Variants in DLG2 observed in about 807,000 individuals in gnomAD.
The protein encoded by DLG2 is discs large MAGUK scaffold protein 2, also known as disks large homolog 2.
A neutral mutation model predicts 132.5 loss-of-function variants in DLG2; 45 were observed. That is an observed-to-expected ratio of 0.34 (90% confidence interval 0.27 to 0.44). The LOEUF (loss-of-function observed/expected upper bound fraction) is 0.44. DLG2 is among the 20% of genes least tolerant of loss of function. The pLI is 1.00. For missense variants in DLG2, 1,045 were observed against 1,196.9 expected, an observed-to-expected ratio of 0.87 and a Z score of 1.87; for synonymous variants, 424 against 419.6, an observed-to-expected ratio of 1.01 and a Z score of -0.13.
intron 6 of DLG2, among the ~76,000 whole-genome samples, chr11:84,648,366 A>T (rs1182961248): frequency 6.6e-6 from 1 of 152,240 alleles, no homozygotes; most frequent in Non-Finnish European, 1.5e-5. Context: ...AAATGGATTC[A>T]GAATGAATGC....
At chr11:84,923,038 A>G in intron 6 of DLG2, 3 of 1,613,024 alleles carry the variant, frequency 1.9e-6, no homozygotes, top group Non-Finnish European at 2.5e-6. Flanking sequence ...CTGGTTTAAC[A>G]TGTATATTGT....
chr11:85,558,094 C>T (rs1291709073), intron 3 of DLG2, among the ~76,000 whole-genome samples: 1 of 151,790 alleles, frequency 6.6e-6, no homozygotes, highest in Non-Finnish European at 1.5e-5. Flanking sequence ...CTATAAGGAA[C>T]TTAATTCAAT....
intron 18 of DLG2, among the ~76,000 whole-genome samples, chr11:83,649,496 T>C (rs1351112851): frequency 6.6e-6 from 1 of 152,134 alleles, no homozygotes; most frequent in African/African-American, 2.4e-5. Flanking sequence ...TGTCTAGATA[T>C]TTAGGCAAAA....
intron 3 of DLG2, among the ~76,000 whole-genome samples, chr11:85,384,313 T>G (rs1370462162): frequency 6.6e-6 from 1 of 152,194 alleles, no homozygotes; most frequent in Non-Finnish European, 1.5e-5. Flanking sequence ...TCATCTTTGG[T>G]GGCAACTTTG....
chr11:84,186,826 C>T (rs927783375), intron 8 of DLG2, among the ~76,000 whole-genome samples: 1 of 151,812 alleles, frequency 6.6e-6, no homozygotes, highest in Non-Finnish European at 1.5e-5. Flanking sequence ...TGTATTAAGG[C>T]TGGAAAATTA....
chr11:83,792,932 A>T (rs1430460551), intron 17 of DLG2, among the ~76,000 whole-genome samples: 1 of 152,128 alleles, frequency 6.6e-6, no homozygotes, highest in East Asian at 1.9e-4. Context: ...CAACTTCCTC[A>T]CACTCTTGTA....
At chr11:83,968,809 G>C (rs1592048207) in intron 12 of DLG2, among the ~76,000 whole-genome samples, 1 of 152,204 alleles carries the variant, frequency 6.6e-6, no homozygotes, top group East Asian at 1.9e-4. Flanking sequence ...ACTTCTTCCA[G>C]ATAGACAAGG....
intron 6 of DLG2, among the ~76,000 whole-genome samples, chr11:85,031,728 T>C (rs763302138): frequency 6.6e-6 from 1 of 152,112 alleles, no homozygotes; most frequent in Admixed American, 6.5e-5. Flanking sequence ...TAATGTAGAA[T>C]TGGAGTCTCT....
intron 8 of DLG2, among the ~76,000 whole-genome samples, chr11:84,197,036 C>CAAAAAAAAAA (rs60877284): frequency 1.4e-4 from 12 of 87,910 alleles, no homozygotes; most frequent in East Asian, 7.1e-4. Flanking sequence ...GACTCTTTCT[C>CAAAAAAAAAA]AAAAAAAAAA....
chr11:85,038,298 A>C (rs760151094), intron 6 of DLG2, among the ~76,000 whole-genome samples: 3 of 152,060 alleles, frequency 2.0e-5, no homozygotes, highest in Non-Finnish European at 4.4e-5. Flanking sequence ...GAAGTCACTT[A>C]ATCCCATTTT....
intron 18 of DLG2, among the ~76,000 whole-genome samples, chr11:83,724,474 T>TGAGAGAGAGAGAGA (rs780541498): frequency 8.8e-4 from 91 of 103,488 alleles, no homozygotes; most frequent in South Asian, 1.9e-3. Context: ...TGTGTGTGTG[T>TGAGAGAGAGAGAGA]GTGAGAGAGA....
intron 17 of DLG2, among the ~76,000 whole-genome samples, chr11:83,808,324 C>G (rs183244223): frequency 6.6e-6 from 1 of 152,292 alleles, no homozygotes; most frequent in East Asian, 1.9e-4. Flanking sequence ...TGCCTTCTCA[C>G]CCAGCTCCTT....
rs550276449 is a variant in DLG2, at chr11:85,541,894, A to C, written c.40+56763T>G. ...AGGAATTTAATTCAAATGCAAATGG[A>C]ATTATTTGTGTTATTCCTGTCTCTG... On this transcript the variant is annotated intron_variant, in intron 3 of 27. Transcript: ENST00000376104. Among the ~76,000 whole-genome samples, 11 of 152,274 alleles carry C rather than the reference A, an allele frequency of 7.2e-5. No individual in the cohort carries two copies. In the East Asian group the frequency reaches 1.9e-3, roughly 27 times the overall value.
At chr11:85,438,356 T>G (rs7130198) in intron 3 of DLG2, among the ~76,000 whole-genome samples, 130,905 of 152,106 alleles carry the variant, frequency 0.86, 56,805 homozygotes, top group Middle Eastern at 0.92. Context: ...ACAATTTTTT[T>G]AACTTAGTTG....
chr11:85,315,124 G>A (rs941573797), intron 3 of DLG2, among the ~76,000 whole-genome samples: 1 of 151,934 alleles, frequency 6.6e-6, no homozygotes, highest in Non-Finnish European at 1.5e-5. Flanking sequence ...TAAGATTCCA[G>A]CCTGGAAAAG....
At chr11:84,434,562 A>T (rs1602057104) in intron 7 of DLG2, among the ~76,000 whole-genome samples, 2 of 152,178 alleles carry the variant, frequency 1.3e-5, no homozygotes, top group East Asian at 3.9e-4. Context: ...ATTTCTATTT[A>T]ATAGGGCTGT....
chr11:84,294,261 T>C (rs975897796), intron 7 of DLG2, among the ~76,000 whole-genome samples: 10 of 152,178 alleles, frequency 6.6e-5, no homozygotes, highest in Admixed American at 6.5e-5. Flanking sequence ...ATCTTAAAGT[T>C]ATTATGCATA....
chr11:84,094,546 G>A (rs1440863457), intron 10 of DLG2, among the ~76,000 whole-genome samples: 1 of 152,120 alleles, frequency 6.6e-6, no homozygotes, highest in Non-Finnish European at 1.5e-5. Context: ...AAACTAAATG[G>A]CCTATAAACC....
intron 3 of DLG2, among the ~76,000 whole-genome samples, chr11:85,290,666 TTGAATTCA>T (rs2078838517): frequency 6.6e-6 from 1 of 152,084 alleles, no homozygotes; most frequent in African/African-American, 2.4e-5. Flanking sequence ...CTGATTTAGA[TTGAATTCA>T]TTAGAACTTA....
Sources: allele counts gnomAD v4.1 joint callset (sites outside exome capture counted in the v4.1 genomes callset), GRCh38; gene constraint gnomAD v4.1.1; transcripts MANE v1.5; gene names NCBI Gene and HGNC (gene_info 2026-07-23, HGNC 2026-07-21).